Variants in RALB observed in about 807,000 individuals in gnomAD.
RALB encodes ras-related protein Ral-B.
A neutral mutation model predicts 21.3 loss-of-function variants in RALB; 16 were observed. The ratio of observed to expected loss-of-function variants is 0.75; its 90% CI spans 0.51 to 1.14. RALB has a LOEUF of 1.14. RALB is among the 50% of genes most tolerant of loss of function. The pLI is 0.00. For missense variants in RALB, 161 were observed against 256.2 expected (o/e 0.63, Z 2.54); for synonymous variants, 93 against 96.1 (o/e 0.97, Z 0.19).
intron 2 of RALB, chr2:120,280,798 C>T: frequency 2.7e-6 from 1 of 374,192 alleles, no homozygotes; most frequent in Non-Finnish European, 5.2e-6. Flanking sequence ...ATTAACCATG[C>T]TAAAGGAAAG....
chr2:120,241,599 A>G (rs1688895769), intron 1 of RALB, among the ~76,000 whole-genome samples: 1 of 152,160 alleles, frequency 6.6e-6, no homozygotes, highest in Non-Finnish European at 1.5e-5. Flanking sequence ...GGTGGTGTGC[A>G]CCTGTAATCC....
chr2:120,289,313 C>CTT (rs1553525679), intron 3 of RALB, among the ~76,000 whole-genome samples: 115 of 150,814 alleles, frequency 7.6e-4, no homozygotes, highest in African/African-American at 2.7e-3. Context: ...CCTATCCAGA[C>CTT]ACTTCTGTAA....
intron 1 of RALB, among the ~76,000 whole-genome samples, chr2:120,262,212 C>A (rs1294888144): frequency 6.6e-6 from 1 of 152,082 alleles, no homozygotes; most frequent in East Asian, 1.9e-4. Flanking sequence ...GGTATGGGGG[C>A]TTTTGTAAGA....
chr2:120,281,243 C>T (rs766505172), intron 2 of RALB, among the ~76,000 whole-genome samples: 46 of 152,250 alleles, frequency 3.0e-4, no homozygotes, highest in Middle Eastern at 6.8e-3. Context: ...ACAAGTTGCC[C>T]GCAGGCCCCT....
chr2:120,247,474 T>G (rs1688989698), intron 1 of RALB, among the ~76,000 whole-genome samples: 1 of 152,146 alleles, frequency 6.6e-6, no homozygotes, highest in Admixed American at 6.6e-5. Context: ...GCTGGCTGGC[T>G]GGGCTGTAGG....
intron 1 of RALB, 133 bp from the exon 2 acceptor site, chr2:120,278,485 C>T: frequency 1.1e-6 from 1 of 890,908 alleles, no homozygotes; most frequent in Non-Finnish European, 1.6e-6. Flanking sequence ...CATGTCTGCC[C>T]TGAGCCTGAA....
intron 2 of RALB, among the ~76,000 whole-genome samples, chr2:120,284,025 A>T (rs1690060526): frequency 1.3e-5 from 2 of 152,222 alleles, no homozygotes; most frequent in Non-Finnish European, 2.9e-5. Flanking sequence ...GCTCAGAAAT[A>T]TACAGTTGAG....
At chr2:120,262,431 G>C (rs1689388847) in intron 1 of RALB, among the ~76,000 whole-genome samples, 1 of 152,154 alleles carries the variant, frequency 6.6e-6, no homozygotes, top group African/African-American at 2.4e-5. Context: ...GGGTTTGCTG[G>C]TGTGCCTGAG....
Position 120,293,054 on chromosome 2 carries a change from G to C in RALB, c.502-87G>C, listed in dbSNP as rs939985721. 39 of 1,333,762 alleles carry C rather than the reference G, an allele frequency of 2.9e-5. No homozygotes were observed. The African/African-American group carries it at 4.2e-4, about 14-fold the overall frequency. The allele number at this position is 1,333,762 out of a possible 1,614,324, so 82.6% of individuals were successfully genotyped here. ...ATTTCATTGAATCCTTAAATGCTGT[G>C]TTCACAGTGTCAGGTTAACAAAAGA... is the stretch of plus-strand genomic sequence containing the variant. On this transcript the variant is annotated intron_variant, in intron 4 of 4. Transcript: ENST00000272519.
chr2:120,284,303 T>C (rs913226984), intron 2 of RALB, among the ~76,000 whole-genome samples: 1 of 152,258 alleles, frequency 6.6e-6, no homozygotes, highest in Non-Finnish European at 1.5e-5. Context: ...TTTAATTCAC[T>C]TGGACATTTT....
intron 2 of RALB, among the ~76,000 whole-genome samples, chr2:120,279,745 C>CA (rs1253662542): frequency 1.3e-5 from 2 of 152,172 alleles, no homozygotes; most frequent in Non-Finnish European, 2.9e-5. Context: ...CAGGGCCTCT[C>CA]ACTTGCATTG....
At chr2:120,244,259 G>C (rs1032537589) in intron 1 of RALB, among the ~76,000 whole-genome samples, 27 of 152,226 alleles carry the variant, frequency 1.8e-4, no homozygotes, top group Non-Finnish European at 1.9e-4. Context: ...TGGGGACACA[G>C]AGCCAAACCA....
chr2:120,253,022 CG>C (rs1689095488), intron 1 of RALB, 42 bp downstream of exon 1: 1 of 975,382 alleles, frequency 1.0e-6, no homozygotes, highest in Non-Finnish European at 1.2e-6. Flanking sequence ...GGGTGGGGCG[CG>C]GGCTGGGGAG....
At chr2:120,288,349 TTTTTG>T (rs1450751549) in intron 3 of RALB, among the ~76,000 whole-genome samples, 21 of 141,818 alleles carry the variant, frequency 1.5e-4, no homozygotes, top group African/African-American at 5.3e-4. Flanking sequence ...TTAGTTTTTT[TTTTTG>T]TTTTTTTTTT....
At chr2:120,285,636 T>C (rs191365466) in intron 2 of RALB, among the ~76,000 whole-genome samples, 89 of 152,316 alleles carry the variant, frequency 5.8e-4, no homozygotes, top group African/African-American at 1.6e-3. Context: ...GACAATAATA[T>C]TGCCAAGTGT....
intron 1 of RALB, among the ~76,000 whole-genome samples, chr2:120,255,214 C>T (rs1689168608): frequency 6.6e-6 from 1 of 152,146 alleles, no homozygotes; most frequent in Non-Finnish European, 1.5e-5. Context: ...TTCCTTGGCT[C>T]CAGTTACTGC....
chr2:120,278,388 G>C (rs939145343), intron 1 of RALB, among the ~76,000 whole-genome samples: 3 of 152,142 alleles, frequency 2.0e-5, no homozygotes, highest in Non-Finnish European at 2.9e-5. Context: ...GCGGGCGTGG[G>C]GTGTGCGCTC....
chr2:120,241,485 G>T (rs143571538), intron 1 of RALB, among the ~76,000 whole-genome samples: 8,803 of 152,270 alleles, frequency 0.058, 868 homozygotes, highest in African/African-American at 0.2. Flanking sequence ...CAGCACTTTG[G>T]GTGGCCAAGG....
At chr2:120,274,534 G>C (rs1352094241) in intron 1 of RALB, among the ~76,000 whole-genome samples, 1 of 151,978 alleles carries the variant, frequency 6.6e-6, no homozygotes, top group Non-Finnish European at 1.5e-5. Context: ...TGTTTCAGAA[G>C]ACAGAGAAAT....
Sources: gnomAD v4.1 joint callset for allele counts (sites outside exome capture counted in the v4.1 genomes callset) on GRCh38, gnomAD v4.1.1 for gene constraint, MANE v1.5 for transcripts, NCBI Gene and HGNC (gene_info 2026-07-23, HGNC 2026-07-21) for gene names.